The following KLHL17 variants were observed in gnomAD, a reference collection of about 807,000 sequenced individuals.
KLHL17 encodes kelch-like protein 17.
In KLHL17, 71 loss-of-function variants were observed where a neutral mutation model predicts 64.6. The ratio of observed to expected loss-of-function variants is 1.10; its 90% CI spans 0.91 to 1.34. The LOEUF (loss-of-function observed/expected upper bound fraction) is 1.34. Ranked by LOEUF, KLHL17 falls within the 40% of genes most tolerant of loss-of-function variation. The pLI is 0.00. For missense variants in KLHL17, 1,140 were observed against 935.0 expected (o/e 1.22, Z -2.86); for synonymous variants, 612 against 405.4 (o/e 1.51, Z -6.12).
chr1:964,178 C>T lies in KLHL17; in HGVS notation c.1516C>T (p.Gln506Ter). 1.9e-6 allele frequency: 3 copies of T among 1,612,654 alleles called. No homozygotes were observed. Among genetic ancestry groups the T allele is most frequent in the Non-Finnish European group, 1.7e-6 (2 of 1,179,884 alleles). Residue 506 changes from glutamine (Q) to a stop codon, truncating the protein, a stop_gained and splice_region_variant, in exon 10 of 12, where the codon CAG becomes TAG. Coordinates refer to ENST00000338591, the MANE Select transcript of KLHL17 (RefSeq NM_198317.3). LOFTEE classifies it high-confidence loss of function. ...GGCCACTGTGGAGAAGTATGAGCCC[C>T]AGGTGCATAGTGCACCCCTCCTGGC... ...HLATVEKYEP[Q>*]VNVWSPVASM... is the part of the protein sequence containing the mutation.
intron 4 of KLHL17, 128 bp from the exon 5 acceptor site, chr1:962,227 T>A: frequency 2.7e-6 from 4 of 1,482,338 alleles, no homozygotes. Context: ...GGCTCCTGAC[T>A]CTGCTCGGCC....
Position 962,408 on chromosome 1 carries a change from C to T in KLHL17, c.765C>T (p.Val255=), listed in dbSNP as rs772088075. 1.2e-6 allele frequency: 2 copies of T among 1,612,644 alleles called. No individual in the cohort carries two copies. The highest frequency in any genetic ancestry group is 1.3e-5 in the African/African-American group (1 of 74,930). Residue 255 remains valine, a synonymous_variant, in exon 5 of 12, where the codon GTC becomes GTT. Coordinates refer to ENST00000338591, the MANE Select transcript of KLHL17 (RefSeq NM_198317.3). ...TGAACGTGCCTTCAGAGGAGGAGGT[C>T]TACCGAGCCGTCCTGAGCTGGGTGA... ...DSLNVPSEEE[V]YRAVLSWVKH...
chr1:963,778 C>T (rs931826643), intron 8 of KLHL17, 142 bp from the exon 9 acceptor site: 18 of 1,005,466 alleles, frequency 1.8e-5, no homozygotes, highest in African/African-American at 9.5e-5. Context: ...TGCCCACCAG[C>T]GGGCCCTGCC....
intron 4 of KLHL17, 148 bp from the exon 5 acceptor site, chr1:962,207 C>T: frequency 1.5e-6 from 2 of 1,371,934 alleles, no homozygotes; most frequent in Non-Finnish European, 2.0e-6. Context: ...CCCCCAGGAG[C>T]CTCGTCTGTG....
At position 961,922 on chromosome 1, in the gene KLHL17, G is replaced by C. The variant is rs1642672145; in HGVS notation, c.586G>C (p.Gly196Arg). Residue 196 changes from glycine to arginine, a missense_variant, in exon 4 of 12, where the codon GGT becomes CGT. Coordinates refer to ENST00000338591, the MANE Select transcript of KLHL17 (RefSeq NM_198317.3). ...TCAGCTCGACCCCTCCAACTGCCTG[G>C]GTATCCGGGGCTTTGCCGATGCGCA... ...LSQLDPSNCL[G>R]IRGFADAHSC... 1 of 1,612,792 alleles carries C rather than the reference G, an allele frequency of 6.2e-7. No individual in the cohort carries two copies. The highest frequency in any genetic ancestry group is 8.5e-7 in the Non-Finnish European group (1 of 1,180,012).
intron 1 of KLHL17, 86 bp downstream of exon 1, chr1:960,886 G>A: frequency 5.4e-6 from 5 of 934,320 alleles, no homozygotes; most frequent in Non-Finnish European, 6.4e-6. Flanking sequence ...AAGGGGCGGG[G>A]GCCGCTTCCG....
Position 965,099 on chromosome 1 carries a change from C to G in KLHL17, c.1837C>G (p.Arg613Gly). ...GGTGGCCGCATCCTGCATGTTCACC[C>G]GGCGCAGCAGTGTGGGTGTGGCGGT... ...KWVAASCMFT[R>G]RSSVGVAVLE... Residue 613 changes from arginine to glycine, a missense_variant, in exon 12 of 12, where the codon CGG becomes GGG. Physicochemically the swap from Arg to Gly is moderately radical, Grantham distance 125. Transcript: ENST00000338591. 1 of 1,612,742 alleles carries G rather than the reference C, an allele frequency of 6.2e-7. No homozygotes were observed. The highest frequency in any genetic ancestry group is 8.5e-7 in the Non-Finnish European group (1 of 1,179,916).
chr1:964,628 GCGC>G lies in KLHL17; in HGVS notation c.1700+99_1700+101del, dbSNP rs1241628796. 1.1e-5 allele frequency: 9 copies of G among 841,904 alleles called. 1 individual carries two copies. In the African/African-American group the frequency reaches 3.4e-4, roughly 32 times the overall value. 52.2% of individuals were successfully genotyped at this position (841,904 alleles called of 1,614,324 possible). ...GTGGGGATGTGCTGCGGGGAGGGGG[GCGC>G]GGGTCCGCAGTGGGGATGTGCTGCC... On this transcript the variant is annotated intron_variant, in intron 11 of 11. Transcript: ENST00000338591.
At chr1:962,946 C>A in intron 6 of KLHL17, 29 bp downstream of exon 6, 1 of 1,528,608 alleles carries the variant, frequency 6.5e-7, no homozygotes, top group East Asian at 2.3e-5. Flanking sequence ...TTCCCTCTTG[C>A]CCTGTGCCTT....
At chr1:962,273 C>T (rs527243504) in intron 4 of KLHL17, 82 bp from the exon 5 acceptor site, 204 of 1,604,246 alleles carry the variant, frequency 1.3e-4, no homozygotes, top group African/African-American at 3.2e-4. Context: ...CACCTGCTAA[C>T]CCTCCCTCCT....
chr1:962,104 CTT>C, intron 4 of KLHL17, 57 bp downstream of exon 4: 1 of 1,123,590 alleles, frequency 8.9e-7, no homozygotes, highest in Non-Finnish European at 1.2e-6. Flanking sequence ...CAGTCTTTGT[CTT>C]TGACTCCCGA....
rs781348880 is a variant in KLHL17, at chr1:961,904, G to A, written c.568G>A (p.Asp190Asn). Residue 190 changes from aspartate (D) to asparagine (N), a missense_variant, in exon 4 of 12, where the codon GAC (aspartate) becomes AAC (asparagine). Coordinates refer to ENST00000338591, the MANE Select transcript of KLHL17 (RefSeq NM_198317.3). ...CTGCAAGTTTCTACTGAGTCAGCTC[G>A]ACCCCTCCAACTGCCTGGGTATCCG... ...ACCKFLLSQL[D>N]PSNCLGIRGF... is the part of the protein sequence containing the mutation. 2 of 1,612,710 alleles carry A rather than the reference G, an allele frequency of 1.2e-6. No homozygotes were observed. Among genetic ancestry groups the A allele is most frequent in the African/African-American group, 1.3e-5 (1 of 74,916 alleles).
Position 962,807 on chromosome 1 carries a change from T to C in KLHL17, c.932T>C (p.Leu311Pro), listed in dbSNP as rs765262069. 1.4e-5 allele frequency: 22 copies of C among 1,609,748 alleles called. No individual in the cohort carries two copies. The highest frequency in any genetic ancestry group is 1.8e-5 in the Non-Finnish European group (21 of 1,179,418). The change falls in exon 6 of 12, where the codon CTC (leucine) becomes CCC (proline). Residue 311 changes from leucine to proline, a missense_variant. By Grantham distance (98) the Leu-to-Pro change is moderately conservative. Transcript: ENST00000338591. Reference protein sequence around the residue: ...VRHHPDCKDLLIEALKFHLLP... With the variant: ...VRHHPDCKDLPIEALKFHLLP... ...CACCACCCTGACTGCAAGGACCTCC[T>C]CATCGAGGCCCTGAAGTTCCACCTG...
intron 8 of KLHL17, 107 bp downstream of exon 8, chr1:963,611 C>A (rs1334955721): frequency 3.1e-6 from 4 of 1,307,024 alleles, no homozygotes; most frequent in Non-Finnish European, 4.1e-6. Context: ...AGGAGGTGAT[C>A]CGCGAGGCCG....
rs371632757 is a variant in KLHL17, at chr1:965,050, G to A, written c.1788G>A (p.Lys596=). Residue 596 remains lysine, a synonymous_variant, in exon 12 of 12, where the codon AAG becomes AAA. Coordinates refer to ENST00000338591, the MANE Select transcript of KLHL17 (RefSeq NM_198317.3). ...DGSSSLNSIE[K]YNPRTNKWVA... ...GCTCCAGCCTCAACTCCATCGAGAA[G>A]TACAACCCGAGGACCAACAAGTGGG... The A allele has an allele frequency of 4.3e-5, 70 of 1,612,646 alleles. No individual in the cohort carries two copies. The highest frequency in any genetic ancestry group is 5.4e-5 in the Non-Finnish European group (64 of 1,179,912).
At position 965,335 on chromosome 1, in the gene KLHL17, A is replaced by G; in HGVS notation, c.*144A>G. ...TAGTTGTTTATTTATTTAGTTATTT[A>G]TCTTATTTATTGAGGGGTGAGGAGT... On this transcript the variant is annotated 3_prime_UTR_variant, in exon 12 of 12. Coordinates refer to ENST00000338591, the MANE Select transcript of KLHL17 (RefSeq NM_198317.3). The G allele has an allele frequency of 1.5e-6, 1 of 679,950 alleles. No individual in the cohort carries two copies. Among genetic ancestry groups the G allele is most frequent in the Non-Finnish European group, 2.4e-6 (1 of 419,826 alleles). 42.1% of individuals were successfully genotyped at this position (679,950 alleles called of 1,614,324 possible). A position where few individuals can be genotyped will look rare whatever the true frequency, so the allele number is the denominator to read the frequency against.
chr1:963,131 C>T lies in KLHL17; in HGVS notation c.1065C>T (p.Ile355=), dbSNP rs147826915. The part of the protein sequence containing the change: ...FAVGGGSLFA[I]HGDCEAYDTR... ...CAGGCGGCGGGAGCCTGTTTGCCAT[C>T]CACGGAGACTGTGAGGCCTACGACA... Residue 355 remains isoleucine, a synonymous_variant, in exon 7 of 12, where the codon ATC becomes ATT. Transcript: ENST00000338591. The T allele has an allele frequency of 9.3e-6, 15 of 1,611,936 alleles. No individual in the cohort carries two copies. The highest frequency in any genetic ancestry group is 1.2e-5 in the Non-Finnish European group (14 of 1,179,604).
Position 961,840 on chromosome 1 carries a change from CGCCA to C in KLHL17, c.506_509del (p.Ala169ValfsTer5). On this transcript the variant is annotated frameshift_variant, in exon 4 of 12. Coordinates refer to ENST00000338591, the MANE Select transcript of KLHL17 (RefSeq NM_198317.3). LOFTEE classifies it high-confidence loss of function. ...GTGCCCCGTAGACTCTGCTCCCAGC[CGCCA>C]GTCTCCTGCAGCTGAATGGCGTCCG... is the stretch of plus-strand genomic sequence containing the variant. 6.2e-7 allele frequency: 1 copy of C among 1,610,710 alleles called. No individual in the cohort carries two copies. The highest frequency in any genetic ancestry group is 2.2e-5 in the East Asian group (1 of 44,872).
In KLHL17 at chr1:965,374, G is replaced by A. The variant is rs1054660513; in HGVS notation, c.*183G>A. The A allele has an allele frequency of 3.5e-5, 22 of 621,972 alleles. No individual in the cohort carries two copies. Among genetic ancestry groups the A allele is most frequent in the African/African-American group, 9.2e-5 (5 of 54,128 alleles). 38.5% of individuals were successfully genotyped at this position (621,972 alleles called of 1,614,324 possible). ...GGGGTGAGGAGTGCCACGGCTGCCC[G>A]TTTACACCTTTAGCGTCTGGTCCTC... On this transcript the variant is annotated 3_prime_UTR_variant, in exon 12 of 12. Transcript: ENST00000338591.
Sources: gnomAD v4.1 joint callset for allele counts on GRCh38, gnomAD v4.1.1 for gene constraint, MANE v1.5 for transcripts, NCBI Gene and HGNC (gene_info 2026-07-23, HGNC 2026-07-21) for gene names.